Variants in ENTPD4 observed in about 807,000 individuals in gnomAD.
ENTPD4 encodes the protein Golgi UDPase.
ENTPD4 carries 60 observed loss-of-function variants against 79.1 expected under a neutral mutation model. The observed-to-expected ratio is 0.76, with a 90% confidence interval of 0.62 to 0.94. The LOEUF (loss-of-function observed/expected upper bound fraction) is 0.94. Ranked by LOEUF, ENTPD4 falls within the 40% of genes least tolerant of loss-of-function variation. The pLI, the probability that ENTPD4 is intolerant of heterozygous loss-of-function variation, is 0.00. For missense variants in ENTPD4, 772 were observed against 775.1 expected (o/e 1.00, Z 0.05); for synonymous variants, 276 against 292.0 (o/e 0.95, Z 0.56).
At chr8:23,449,538 G>C (rs1280763567) in intron 2 of ENTPD4, among the ~76,000 whole-genome samples, 1 of 152,114 alleles carries the variant, frequency 6.6e-6, no homozygotes, top group African/African-American at 2.4e-5. Context: ...AGTTTTCTAT[G>C]TCCTGTACTT....
intron 11 of ENTPD4, among the ~76,000 whole-genome samples, 175 bp downstream of exon 11, chr8:23,435,217 G>A (rs1280176384): frequency 6.6e-6 from 1 of 152,200 alleles, no homozygotes; most frequent in Non-Finnish European, 1.5e-5. Flanking sequence ...AAACAAAAAA[G>A]ATACGGAATA....
chr8:23,453,606 A>C (rs1800902714), intron 1 of ENTPD4, among the ~76,000 whole-genome samples: 1 of 152,264 alleles, frequency 6.6e-6, no homozygotes, highest in African/African-American at 2.4e-5. Flanking sequence ...AACAGCTATC[A>C]TATTGACAGA....
At chr8:23,455,397 C>T (rs1284509926) in intron 1 of ENTPD4, among the ~76,000 whole-genome samples, 1 of 152,134 alleles carries the variant, frequency 6.6e-6, no homozygotes, top group Non-Finnish European at 1.5e-5. Flanking sequence ...TCAACCATTC[C>T]GGCAGCGTTT....
intron 8 of ENTPD4, chr8:23,441,345 A>G (rs1800665460): frequency 1.1e-6 from 1 of 910,240 alleles, no homozygotes; most frequent in Non-Finnish European, 1.3e-6. Context: ...TACCAAAGAA[A>G]AACTCTACGT....
intron 4 of ENTPD4, among the ~76,000 whole-genome samples, chr8:23,445,165 C>T (rs1348497136): frequency 6.6e-6 from 1 of 152,196 alleles, no homozygotes; most frequent in Non-Finnish European, 1.5e-5. Flanking sequence ...AAGCCAGGGT[C>T]TTAGATGAAG....
chr8:23,436,804 T>A (rs1317478582), intron 10 of ENTPD4, 130 bp downstream of exon 10: 1 of 762,752 alleles, frequency 1.3e-6, no homozygotes, highest in Admixed American at 2.5e-5. Flanking sequence ...GGGAACAGGA[T>A]CCCAACATGC....
At chr8:23,450,510 G>C (rs1237530672) in intron 1 of ENTPD4, among the ~76,000 whole-genome samples, 2 of 152,126 alleles carry the variant, frequency 1.3e-5, no homozygotes, top group African/African-American at 4.8e-5. Context: ...TTTAGCCAGG[G>C]CCTCCTTCCA....
At chr8:23,437,470 C>G (rs1005481534) in intron 9 of ENTPD4, among the ~76,000 whole-genome samples, 6 of 152,190 alleles carry the variant, frequency 3.9e-5, no homozygotes, top group Non-Finnish European at 8.8e-5. Context: ...TTGCCTGCAG[C>G]AGACAGGCTA....
At chr8:23,445,542 G>T (rs1800750178) in intron 4 of ENTPD4, among the ~76,000 whole-genome samples, 1 of 152,044 alleles carries the variant, frequency 6.6e-6, no homozygotes, top group African/African-American at 2.4e-5. Context: ...CCACCAAGAA[G>T]AGTCTTCTCC....
chr8:23,447,820 A>G lies in ENTPD4; in HGVS notation c.272T>C (p.Ile91Thr). 6.2e-7 allele frequency: 1 copy of G among 1,614,222 alleles called. No homozygotes were observed. Among genetic ancestry groups the G allele is most frequent in the Non-Finnish European group, 8.5e-7 (1 of 1,180,026 alleles). Residue 91 changes from isoleucine to threonine, a missense_variant, in exon 4 of 13, where the codon ATC (isoleucine) becomes ACC (threonine). Ile to Thr is a moderately conservative substitution (Grantham distance 89, BLOSUM62 -1). Transcript: ENST00000358689. ...CCCACTGCTACCACAGTCCACCACG[A>G]TCCCATAGTTCACATTGGGGTTATT... The part of the protein sequence containing the change: ...DTNNPNVNYG[I>T]VVDCGSSGSR...
Position 23,432,144 on chromosome 8 carries a change from C to T in ENTPD4, c.*782G>A, listed in dbSNP as rs1378763549. On this transcript the variant is annotated 3_prime_UTR_variant, in exon 13 of 13. Coordinates refer to ENST00000358689, the MANE Select transcript of ENTPD4 (RefSeq NM_004901.5). ...TTTAAATTTGCAAAGAAAACATATA[C>T]AGTAACAGACCTGAACAATAAATAA... The T allele has an allele frequency of 3.0e-6, 3 of 983,798 alleles. No homozygotes were observed. Among genetic ancestry groups the T allele is most frequent in the East Asian group, 2.3e-4 (2 of 8,788 alleles). 60.9% of individuals were successfully genotyped at this position (983,798 alleles called of 1,614,324 possible).
chr8:23,447,609 C>T (rs1800784120), intron 4 of ENTPD4, 71 bp downstream of exon 4: 19 of 1,226,954 alleles, frequency 1.5e-5, no homozygotes, highest in East Asian at 4.6e-5. Context: ...AGAAAGGGAA[C>T]GATATGAAAG....
At chr8:23,445,503 T>C (rs1162105828) in intron 4 of ENTPD4, among the ~76,000 whole-genome samples, 1 of 152,108 alleles carries the variant, frequency 6.6e-6, no homozygotes, top group African/African-American at 2.4e-5. Context: ...TAATGCACCT[T>C]ACTGTGGCCT....
intron 6 of ENTPD4, among the ~76,000 whole-genome samples, chr8:23,442,841 A>G (rs2117290845): frequency 2.0e-5 from 3 of 152,084 alleles, no homozygotes; most frequent in Admixed American, 2.0e-4. Flanking sequence ...CTCTGCTGCA[A>G]CCTGCTCTAC....
rs772378176 is a variant in ENTPD4 at position 23,448,771 on chromosome 8, C to T, written c.177G>A (p.Gly59=). 4 of 1,613,948 alleles carry T rather than the reference C, an allele frequency of 2.5e-6. No individual in the cohort carries two copies. The highest frequency in any genetic ancestry group is 3.4e-6 in the Non-Finnish European group (4 of 1,180,008). ...GAAATTTCTTGTCTCTGGTTAGTCG[C>T]CCATACTTATTTCGGATTATGACAA... ...FSVVIIRNKY[G]RLTRDKKFQR... is the part of the protein sequence containing the mutation. Residue 59 remains glycine (G), a synonymous_variant, in exon 3 of 13, where the codon GGG becomes GGA. Transcript: ENST00000358689.
intron 9 of ENTPD4, 45 bp from the exon 10 acceptor site, chr8:23,437,303 G>A (rs375714221): frequency 1.1e-4 from 155 of 1,454,238 alleles, no homozygotes; most frequent in Non-Finnish European, 1.3e-4. Context: ...ACAGAAAACT[G>A]TGTTTTCAGG....
intron 4 of ENTPD4, among the ~76,000 whole-genome samples, chr8:23,446,418 T>C (rs564008295): frequency 3.3e-5 from 5 of 152,372 alleles, no homozygotes; most frequent in African/African-American, 9.6e-5. Context: ...TCAATATTAC[T>C]TTAACTGAAA....
At chr8:23,441,313 C>T (rs1800664340) in intron 8 of ENTPD4, 1 of 515,576 alleles carries the variant, frequency 1.9e-6, no homozygotes, top group South Asian at 8.4e-5. Context: ...TAAACTGAAA[C>T]TCAAGCATGC....
In ENTPD4 at chr8:23,432,730, C is replaced by T; in HGVS notation, c.*196G>A. 1.6e-6 allele frequency: 2 copies of T among 1,227,194 alleles called. No homozygotes were observed. The highest frequency in any genetic ancestry group is 2.2e-6 in the Non-Finnish European group (2 of 921,964). The allele number at this position is 1,227,194 out of a possible 1,614,324, so 76.0% of individuals were successfully genotyped here. On this transcript the variant is annotated 3_prime_UTR_variant, in exon 13 of 13. Transcript: ENST00000358689. ...AGCCAGGATGGTCTCGATCTCCTGA[C>T]CTCATGATCCGCCCGCCTCGGCCTC...
Sources: gnomAD v4.1 joint callset for allele counts (sites outside exome capture counted in the v4.1 genomes callset) on GRCh38, gnomAD v4.1.1 for gene constraint, MANE v1.5 for transcripts, NCBI Gene and HGNC (gene_info 2026-07-23, HGNC 2026-07-21) for gene names.